Variants in CBLB observed in about 807,000 individuals in gnomAD.
The protein encoded by CBLB is Cbl proto-oncogene B.
A neutral mutation model predicts 104.9 loss-of-function variants in CBLB; 31 were observed. The ratio of observed to expected loss-of-function variants is 0.30; its 90% CI spans 0.22 to 0.40. CBLB has a LOEUF of 0.40. CBLB is among the 10% of genes least tolerant of loss of function. The pLI is 1.00. For synonymous variants in CBLB, 440 were observed against 422.6 expected, an observed-to-expected ratio of 1.04 and a Z score of -0.51; for missense variants, 1,062 against 1,214.6, an observed-to-expected ratio of 0.87 and a Z score of 1.87.
At chr3:105,703,874 A>G in intron 11 of CBLB, 114 bp downstream of exon 11, 1 of 913,004 alleles carries the variant, frequency 1.1e-6, no homozygotes, top group Non-Finnish European at 1.7e-6. Context: ...AAACTCATCA[A>G]ACTTATTCAC....
Position 105,681,605 on chromosome 3 carries a change from C to G in CBLB, c.2302G>C (p.Val768Leu), listed in dbSNP as rs147731994. The part of the protein sequence containing the change: ...PDLSIYLKGD[V>L]FDSASDPVPL... ...ACGGGATCAGAGGCTGAATCAAAAA[C>G]ATCTCCTAGAGGATAACACAAAACC... The change falls in exon 16 of 19, where the codon GTT becomes CTT. Residue 768 changes from valine to leucine, a missense_variant. By Grantham distance (32) the Val-to-Leu change is conservative (BLOSUM62 1). This residue lies in a region of CBLB where 605 missense variants were observed against 582.6 expected (regional missense o/e 1.04). Coordinates refer to ENST00000394030, the MANE Select transcript of CBLB (RefSeq NM_170662.5). 52 of 1,614,134 alleles carry G rather than the reference C, an allele frequency of 3.2e-5. No homozygotes were observed. In the East Asian group the frequency reaches 6.7e-4, roughly 21 times the overall value.
At chr3:105,838,759 C>T (rs1299410332) in intron 3 of CBLB, among the ~76,000 whole-genome samples, 1 of 151,450 alleles carries the variant, frequency 6.6e-6, no homozygotes, top group Non-Finnish European at 1.5e-5. Context: ...AAGCCATTCT[C>T]CTGCCTCAGC....
At chr3:105,838,550 G>A (rs1472190747) in intron 3 of CBLB, among the ~76,000 whole-genome samples, 1 of 151,904 alleles carries the variant, frequency 6.6e-6, no homozygotes, top group Non-Finnish European at 1.5e-5. Flanking sequence ...TAAAAGGCTG[G>A]CAAGCAAAGG....
At chr3:105,701,666 G>A (rs890127108) in intron 12 of CBLB, among the ~76,000 whole-genome samples, 1 of 152,098 alleles carries the variant, frequency 6.6e-6, no homozygotes, top group African/African-American at 2.4e-5. Flanking sequence ...AGGAGGCTGA[G>A]GCAGGAGAAT....
rs770325891 is a variant in CBLB, at chr3:105,659,242, T to C, written c.2690-13A>G. 1 of 1,612,788 alleles carries C rather than the reference T, an allele frequency of 6.2e-7. No individual in the cohort carries two copies. The highest frequency in any genetic ancestry group is 1.1e-5 in the South Asian group (1 of 91,038). ...GCCTGTGAACCATCTGTGTAGATTT[T>C]TAAAGAGAGATACTATTTAAACAGT... On this transcript the variant is annotated splice_polypyrimidine_tract_variant and intron_variant, in intron 18 of 18. Coordinates refer to ENST00000394030, the MANE Select transcript of CBLB (RefSeq NM_170662.5).
chr3:105,755,557 AC>A (rs1036373354), intron 4 of CBLB, among the ~76,000 whole-genome samples: 1 of 152,148 alleles, frequency 6.6e-6, no homozygotes, highest in Non-Finnish European at 1.5e-5. Flanking sequence ...ATAAAAGGCT[AC>A]AGGGTTTTAG....
intron 9 of CBLB, among the ~76,000 whole-genome samples, chr3:105,728,679 C>A (rs2073964483): frequency 6.6e-6 from 1 of 152,106 alleles, no homozygotes; most frequent in Non-Finnish European, 1.5e-5. Flanking sequence ...ATGTTGCACA[C>A]AGAGTAGTAT....
At chr3:105,670,191 A>C (rs1225397488) in intron 18 of CBLB, 42 bp downstream of exon 18, 1 of 1,566,798 alleles carries the variant, frequency 6.4e-7, no homozygotes, top group Non-Finnish European at 8.8e-7. Flanking sequence ...AAAGCACTAT[A>C]TAACAATAAG....
At chr3:105,848,352 T>C (rs1302909006) in intron 3 of CBLB, among the ~76,000 whole-genome samples, 1 of 152,100 alleles carries the variant, frequency 6.6e-6, no homozygotes, top group Non-Finnish European at 1.5e-5. Context: ...TCTACTTCAG[T>C]AGCATATACA....
rs555852022 is a variant in CBLB, at chr3:105,708,468, G to A, written c.1408-4295C>T. Among the ~76,000 whole-genome samples the A allele has an allele frequency of 1.1e-4, 17 of 152,050 alleles. No individual in the cohort carries two copies. The South Asian group carries it at 1.9e-3, about 17-fold the overall frequency. ...ACAACAGTTAGTATTTTGTTCATAC[G>A]GATACTCTTGATTAGAAAATGTAAA... On this transcript the variant is annotated intron_variant, in intron 10 of 18. Coordinates refer to ENST00000394030, the MANE Select transcript of CBLB (RefSeq NM_170662.5).
intron 10 of CBLB, among the ~76,000 whole-genome samples, chr3:105,718,111 T>C (rs2072193251): frequency 6.6e-6 from 1 of 152,182 alleles, no homozygotes; most frequent in South Asian, 2.1e-4. Flanking sequence ...CTCAAGTCTG[T>C]TTCAATCTAA....
At chr3:105,678,275 A>G (rs1342963053) in intron 17 of CBLB, among the ~76,000 whole-genome samples, 156 bp downstream of exon 17, 5 of 152,184 alleles carry the variant, frequency 3.3e-5, no homozygotes, top group Admixed American at 2.0e-4. Context: ...CAACTGACAA[A>G]CAAACGTACC....
Position 105,702,270 on chromosome 3 carries a change from G to A in CBLB, c.1783C>T (p.Pro595Ser). The change falls in exon 12 of 19, where the codon CCT (proline) becomes TCT (serine). Residue 595 changes from proline (P) to serine (S), a missense_variant. Pro to Ser is a moderately conservative substitution (Grantham distance 74). This residue lies in a region of CBLB where 605 missense variants were observed against 582.6 expected (regional missense o/e 1.04). Transcript: ENST00000394030. Reference protein sequence around the residue: ...DPPMPLEAWCPRDVFGTNQLV... With the variant: ...DPPMPLEAWCSRDVFGTNQLV... ...TGATTAGTCCCAAACACATCCCGAG[G>A]GCACCATGCTTCAAGAGGCATTGGC... The A allele has an allele frequency of 1.9e-6, 3 of 1,613,904 alleles. No homozygotes were observed. The highest frequency in any genetic ancestry group is 2.5e-6 in the Non-Finnish European group (3 of 1,179,964).
intron 3 of CBLB, among the ~76,000 whole-genome samples, chr3:105,778,435 T>C (rs1416447612): frequency 6.6e-6 from 1 of 152,118 alleles, no homozygotes; most frequent in Non-Finnish European, 1.5e-5. Flanking sequence ...AGGAGATACA[T>C]AACTTCCTGT....
chr3:105,763,570 T>C (rs1266558735), intron 4 of CBLB, among the ~76,000 whole-genome samples: 3 of 152,236 alleles, frequency 2.0e-5, no homozygotes, highest in African/African-American at 7.2e-5. Context: ...TCCACCACGA[T>C]TGTGAGGTCT....
intron 3 of CBLB, among the ~76,000 whole-genome samples, chr3:105,835,825 T>C (rs1438626814): frequency 6.6e-6 from 1 of 152,240 alleles, no homozygotes; most frequent in Non-Finnish European, 1.5e-5. Context: ...CCAAACATGC[T>C]ACAAGAATTC....
At position 105,656,327 on chromosome 3, in the gene CBLB, TCTAA is replaced by T. The variant is rs980613522; in HGVS notation, c.*2639_*2642del. The T allele has an allele frequency of 1.4e-4, 29 of 204,378 alleles. No individual in the cohort carries two copies. Among genetic ancestry groups the T allele is most frequent in the African/African-American group, 6.4e-4 (28 of 43,794 alleles). 12.7% of individuals were successfully genotyped at this position (204,378 alleles called of 1,614,324 possible). On this transcript the variant is annotated 3_prime_UTR_variant, in exon 19 of 19. Coordinates refer to ENST00000394030, the MANE Select transcript of CBLB (RefSeq NM_170662.5). ...CAAATCTTGAGAAATGGAAGGAATGTCTAACTTTTTGGATCACAGTGAAACAAAG... is the reference window on the plus strand; with the variant it reads ...CAAATCTTGAGAAATGGAAGGAATGTCTTTTTGGATCACAGTGAAACAAAG...
chr3:105,794,798 T>C (rs1434756046), intron 3 of CBLB, among the ~76,000 whole-genome samples: 1 of 152,162 alleles, frequency 6.6e-6, no homozygotes, highest in Non-Finnish European at 1.5e-5. Context: ...ACATACATTC[T>C]ACCAAAACAG....
At chr3:105,739,152 C>T (rs1246026891) in intron 7 of CBLB, among the ~76,000 whole-genome samples, 3 of 152,180 alleles carry the variant, frequency 2.0e-5, no homozygotes, top group East Asian at 1.9e-4. Context: ...TCAAGTGATC[C>T]TCCTGCCTTG....
Sources: allele counts gnomAD v4.1 joint callset (sites outside exome capture counted in the v4.1 genomes callset), GRCh38; gene constraint gnomAD v4.1.1; regional missense constraint gnomAD v4.1.1; transcripts MANE v1.5; gene names NCBI Gene and HGNC (gene_info 2026-07-23, HGNC 2026-07-21).